SRGAP1: variants seen among roughly 807,000 people sequenced by gnomAD.
The protein encoded by SRGAP1 is SLIT-ROBO Rho GTPase activating protein 1, also known as SLIT-ROBO Rho GTPase-activating protein 1.
In SRGAP1, 43 loss-of-function variants were observed where a neutral mutation model predicts 121.9. The observed-to-expected ratio is 0.35, with a 90% CI of 0.28 to 0.46. The LOEUF is 0.46. Among genes scored for constraint, SRGAP1 ranks in the 20% least tolerant of loss-of-function variants. SRGAP1 has a pLI of 1.00. For synonymous variants in SRGAP1, 447 were observed against 485.4 expected (o/e 0.92, Z 1.04); for missense variants, 1,102 against 1,350.9 (o/e 0.82, Z 2.89).
chr12:63,929,349 A>G (rs558516371), intron 1 of SRGAP1, among the ~76,000 whole-genome samples: 1 of 152,342 alleles, frequency 6.6e-6, no homozygotes, highest in African/African-American at 2.4e-5. Context: ...CATTACAAGA[A>G]TTAAATTAGA....
rs1477283887 is a variant in SRGAP1, at chr12:64,142,823, T to C, written c.*151T>C. On this transcript the variant is annotated 3_prime_UTR_variant, in exon 22 of 22. Coordinates refer to ENST00000355086, the MANE Select transcript of SRGAP1 (RefSeq NM_020762.4). The stretch of plus-strand genomic sequence containing the variant: ...TGTTGTCGAATGTAATGTCTGAGAC[T>C]AGCTAAATTAACACGGGCATTTGTA... The C allele has an allele frequency of 3.9e-6, 4 of 1,030,066 alleles. No individual in the cohort carries two copies. The Admixed American group carries it at 1.2e-4, about 30-fold the overall frequency. 63.8% of individuals were successfully genotyped at this position (1,030,066 alleles called of 1,614,324 possible). A position where few individuals can be genotyped will look rare whatever the true frequency, so the allele number is the denominator to read the frequency against.
chr12:64,105,008 C>CT (rs1283712230), intron 15 of SRGAP1, among the ~76,000 whole-genome samples: 1 of 152,038 alleles, frequency 6.6e-6, no homozygotes, highest in East Asian at 1.9e-4. Context: ...ATTTCTAGAA[C>CT]TTTTTCATCT....
intron 19 of SRGAP1, among the ~76,000 whole-genome samples, chr12:64,126,848 T>C (rs2036695011): frequency 6.6e-6 from 1 of 152,192 alleles, no homozygotes; most frequent in African/African-American, 2.4e-5. Flanking sequence ...AATATATTCA[T>C]ATATAAAATA....
Position 63,964,228 on chromosome 12 carries a change from T to C in SRGAP1, c.68-19719T>C, listed in dbSNP as rs573530648. Among the ~76,000 whole-genome samples, 183 of 152,320 alleles carry C rather than the reference T, an allele frequency of 1.2e-3. 1 individual carries two copies. The highest frequency in any genetic ancestry group is 4.2e-3 in the African/African-American group (173 of 41,570). ...AGGATTGGTATAGAATTTAAATGAG[T>C]TAATTCCTACAAAATAGAATTGTGT... On this transcript the variant is annotated intron_variant, in intron 1 of 21. Coordinates refer to ENST00000355086, the MANE Select transcript of SRGAP1 (RefSeq NM_020762.4).
intron 1 of SRGAP1, among the ~76,000 whole-genome samples, chr12:63,917,912 G>A (rs893628121): frequency 1.1e-4 from 17 of 152,130 alleles, no homozygotes; most frequent in African/African-American, 4.1e-4. Context: ...TGTTATTTTT[G>A]CTATTCTCGT....
chr12:64,111,942 G>T lies in SRGAP1; in HGVS notation c.2100G>T (p.Leu700=). Residue 700 remains leucine, a synonymous_variant, in exon 17 of 22, where the codon CTG becomes CTT. Coordinates refer to ENST00000355086, the MANE Select transcript of SRGAP1 (RefSeq NM_020762.4). ...CTATTTTCCCAGATGCTAAAGAGCT[G>T]GATGGCCCTGTTTATGAGAAATGTA... The part of the protein sequence containing the change: ...HETIFPDAKE[L]DGPVYEKCMA... The T allele has an allele frequency of 6.2e-7, 1 of 1,613,938 alleles. No individual in the cohort carries two copies. The highest frequency in any genetic ancestry group is 1.1e-5 in the South Asian group (1 of 91,054).
intron 12 of SRGAP1, among the ~76,000 whole-genome samples, chr12:64,094,291 C>T (rs1016771440): frequency 4.6e-5 from 7 of 152,216 alleles, no homozygotes; most frequent in Admixed American, 3.9e-4. Flanking sequence ...GACTGTTTTA[C>T]AAGATGTGGG....
At position 64,091,965 on chromosome 12, in the gene SRGAP1, T is replaced by C. The variant is rs1023963140; in HGVS notation, c.1539+587T>C. 5 of 1,504,110 alleles carry C rather than the reference T, an allele frequency of 3.3e-6. No homozygotes were observed. The African/African-American group carries it at 6.9e-5, about 21-fold the overall frequency. The allele number at this position is 1,504,110 out of a possible 1,614,324, so 93.2% of individuals were successfully genotyped here. A position where few individuals can be genotyped will look rare whatever the true frequency, so the allele number is the denominator to read the frequency against. ...GGGACGTGAGGGTGCTCTTTCACTG[T>C]TGGTATCATTTTCAAGTCGTGCTCA... On this transcript the variant is annotated intron_variant, in intron 12 of 21. Coordinates refer to ENST00000355086, the MANE Select transcript of SRGAP1 (RefSeq NM_020762.4).
chr12:64,018,548 T>C lies in SRGAP1; in HGVS notation c.489+1536T>C, dbSNP rs144524094. Among the ~76,000 whole-genome samples, 124 of 152,342 alleles carry C rather than the reference T, an allele frequency of 8.1e-4. No individual in the cohort carries two copies. In the East Asian group the frequency reaches 0.023, roughly 28 times the overall value. On this transcript the variant is annotated intron_variant, in intron 4 of 21. Transcript: ENST00000355086. The stretch of plus-strand genomic sequence containing the variant: ...GATACTTACTAATTAAACTTGTAAA[T>C]TAAACTTTTATAAAATGATTCTTTA...
Position 63,997,925 on chromosome 12 carries a change from C to T in SRGAP1, c.426+7853C>T, listed in dbSNP as rs991953199. ...CTTCCCAAAGTATCTGTTAAATGACCAATCGAATACATAAATAGGAAAAAC... is the reference window on the plus strand; with the variant it reads ...CTTCCCAAAGTATCTGTTAAATGACTAATCGAATACATAAATAGGAAAAAC... On this transcript the variant is annotated intron_variant, in intron 3 of 21. Coordinates refer to ENST00000355086, the MANE Select transcript of SRGAP1 (RefSeq NM_020762.4). Among the ~76,000 whole-genome samples the T allele has an allele frequency of 1.6e-4, 24 of 152,044 alleles. 1 individual carries two copies. Among genetic ancestry groups the T allele is most frequent in the Non-Finnish European group, 1.0e-4 (7 of 67,994 alleles).
At chr12:64,052,083 C>T (rs2035248482) in intron 6 of SRGAP1, among the ~76,000 whole-genome samples, 1 of 152,048 alleles carries the variant, frequency 6.6e-6, no homozygotes, top group South Asian at 2.1e-4. Context: ...GAAAATGGCT[C>T]AATTGTTAAC....
rs541254345 is a variant in SRGAP1, at chr12:64,026,562, C to T, written c.489+9550C>T. 2.0e-3 allele frequency among the ~76,000 whole-genome samples: 307 copies of T among 152,120 alleles called. 3 individuals are homozygous for T. The highest frequency in any genetic ancestry group is 7.0e-3 in the African/African-American group (290 of 41,496). ...GATAGCGTTTGGGGACCGAAATGGACCTTTAGAAATGTTCAAATTAAGAAC... is the reference window on the plus strand; with the variant it reads ...GATAGCGTTTGGGGACCGAAATGGATCTTTAGAAATGTTCAAATTAAGAAC... On this transcript the variant is annotated intron_variant, in intron 4 of 21. Coordinates refer to ENST00000355086, the MANE Select transcript of SRGAP1 (RefSeq NM_020762.4).
chr12:64,120,700 C>G (rs2036592839), intron 18 of SRGAP1, among the ~76,000 whole-genome samples: 1 of 152,006 alleles, frequency 6.6e-6, no homozygotes, highest in Non-Finnish European at 1.5e-5. Flanking sequence ...CTTAGATTCC[C>G]TAACACTGGG....
intron 1 of SRGAP1, among the ~76,000 whole-genome samples, chr12:63,964,548 C>T (rs564709061): frequency 1.3e-5 from 2 of 152,172 alleles, no homozygotes; most frequent in South Asian, 4.2e-4. Flanking sequence ...TGACCCTTTC[C>T]AGTAGCCTGA....
At chr12:63,905,618 C>A (rs1490752771) in intron 1 of SRGAP1, among the ~76,000 whole-genome samples, 1 of 152,068 alleles carries the variant, frequency 6.6e-6, no homozygotes, top group Admixed American at 6.5e-5. Context: ...AGAGTCAGTA[C>A]GTCGGAAAGG....
Position 64,097,258 on chromosome 12 carries a change from G to T in SRGAP1, c.1696G>T (p.Asp566Tyr). 2 of 1,585,022 alleles carry T rather than the reference G, an allele frequency of 1.3e-6. No homozygotes were observed. Among genetic ancestry groups the T allele is most frequent in the Non-Finnish European group, 1.7e-6 (2 of 1,171,318 alleles). Reference protein sequence around the residue: ...SFERGENPLADDQSNHDINSV... With the variant: ...SFERGENPLAYDQSNHDINSV... Reference sequence around the variant, plus strand: ...TTTTTTAGGTGAAAATCCTTTGGCTGATGACCAGAGTAACCATGATATTAA... The same window carrying T: ...TTTTTTAGGTGAAAATCCTTTGGCTTATGACCAGAGTAACCATGATATTAA... The change falls in exon 15 of 22, where the codon GAT (aspartate) becomes TAT (tyrosine). Residue 566 changes from aspartate to tyrosine, a missense_variant. By Grantham distance (160) the Asp-to-Tyr change is radical. This residue lies in a region of SRGAP1 where 747 missense variants were observed against 929.4 expected (regional missense o/e 0.80). Transcript: ENST00000355086.
At chr12:63,992,120 A>T (rs562432008) in intron 3 of SRGAP1, among the ~76,000 whole-genome samples, 1 of 152,294 alleles carries the variant, frequency 6.6e-6, no homozygotes, top group Non-Finnish European at 1.5e-5. Context: ...GTTTGATATG[A>T]TTGGACCAGG....
At position 64,142,835 on chromosome 12, in the gene SRGAP1, C is replaced by A; in HGVS notation, c.*163C>A. 2.2e-6 allele frequency: 2 copies of A among 924,850 alleles called. No homozygotes were observed. The highest frequency in any genetic ancestry group is 2.7e-5 in the East Asian group (1 of 37,572). 57.3% of individuals were successfully genotyped at this position (924,850 alleles called of 1,614,324 possible). A position where few individuals can be genotyped will look rare whatever the true frequency, so the allele number is the denominator to read the frequency against. ...TAATGTCTGAGACTAGCTAAATTAA[C>A]ACGGGCATTTGTATTTTGTAATTTT... On this transcript the variant is annotated 3_prime_UTR_variant, in exon 22 of 22. Coordinates refer to ENST00000355086, the MANE Select transcript of SRGAP1 (RefSeq NM_020762.4).
At chr12:64,028,846 T>C (rs2034710818) in intron 4 of SRGAP1, among the ~76,000 whole-genome samples, 2 of 152,214 alleles carry the variant, frequency 1.3e-5, no homozygotes, top group South Asian at 4.2e-4. Flanking sequence ...GTTCAGACCA[T>C]AGCAGATGTG....
Sources: allele counts gnomAD v4.1 joint callset (sites outside exome capture counted in the v4.1 genomes callset), GRCh38; gene constraint gnomAD v4.1.1; regional missense constraint gnomAD v4.1.1; transcripts MANE v1.5; gene names NCBI Gene and HGNC (gene_info 2026-07-23, HGNC 2026-07-21).